Variants in STXBP5L observed in about 807,000 individuals in gnomAD.
STXBP5L encodes the protein syntaxin binding protein 5L.
In STXBP5L, 65 loss-of-function variants were observed where a neutral mutation model predicts 144.5. The observed-to-expected ratio is 0.45, with a 90% CI of 0.37 to 0.55. STXBP5L has a LOEUF of 0.55. Ranked by LOEUF, STXBP5L falls within the 20% of genes least tolerant of loss-of-function variation. STXBP5L has a pLI of 0.00. For missense variants in STXBP5L, 1,298 were observed against 1,405.5 expected, an observed-to-expected ratio of 0.92 and a Z score of 1.22; for synonymous variants, 505 against 469.6, an observed-to-expected ratio of 1.08 and a Z score of -0.97.
intron 3 of STXBP5L, among the ~76,000 whole-genome samples, chr3:120,991,062 A>G (rs1942806365): frequency 1.3e-5 from 2 of 151,982 alleles, no homozygotes; most frequent in South Asian, 4.1e-4. Context: ...AATGGGAGAA[A>G]ATTTTTGCAA....
chr3:121,359,185 T>G (rs114997824), intron 20 of STXBP5L, among the ~76,000 whole-genome samples: 5,430 of 152,292 alleles, frequency 0.036, 145 homozygotes, highest in Middle Eastern at 0.082. Context: ...TAGTTTTGAT[T>G]TGCATTTCTC....
intron 20 of STXBP5L, among the ~76,000 whole-genome samples, chr3:121,359,691 T>G (rs1314724367): frequency 2.0e-5 from 3 of 152,076 alleles, no homozygotes. Context: ...CAGTGCCATT[T>G]ATTGAAGATG....
At chr3:121,352,582 G>A (rs1251205232) in intron 20 of STXBP5L, among the ~76,000 whole-genome samples, 1 of 152,074 alleles carries the variant, frequency 6.6e-6, no homozygotes, top group Non-Finnish European at 1.5e-5. Flanking sequence ...GAGATTTTGG[G>A]CTGAGACAAT....
chr3:121,033,630 G>A lies in STXBP5L; in HGVS notation c.288-8070G>A, dbSNP rs561509253. Among the ~76,000 whole-genome samples the A allele has an allele frequency of 6.0e-5, 9 of 150,208 alleles. No individual in the cohort carries two copies. In the East Asian group the frequency reaches 1.8e-3, roughly 29 times the overall value. Reference sequence around the variant, plus strand: ...TAAATAAATTCGTGTGTTTTTTATGGTATATTTACCCACTTGGTGTTAAAC... The same window carrying A: ...TAAATAAATTCGTGTGTTTTTTATGATATATTTACCCACTTGGTGTTAAAC... On this transcript the variant is annotated intron_variant, in intron 3 of 26. Transcript: ENST00000471454.
chr3:121,006,294 T>A (rs1944295780), intron 3 of STXBP5L, among the ~76,000 whole-genome samples: 1 of 152,208 alleles, frequency 6.6e-6, no homozygotes, highest in South Asian at 2.1e-4. Flanking sequence ...TTGATCCCTT[T>A]ACCATTATGT....
intron 5 of STXBP5L, among the ~76,000 whole-genome samples, chr3:121,050,001 C>T (rs1947838230): frequency 6.6e-6 from 1 of 152,146 alleles, no homozygotes; most frequent in Non-Finnish European, 1.5e-5. Context: ...CTCTCACTCA[C>T]TCACTGTTCC....
chr3:120,962,862 G>T (rs1939032793), intron 3 of STXBP5L, among the ~76,000 whole-genome samples: 1 of 152,140 alleles, frequency 6.6e-6, no homozygotes, highest in Non-Finnish European at 1.5e-5. Context: ...AAATTACCTT[G>T]GGCAGTATAG....
At chr3:121,004,824 A>T (rs1430679482) in intron 3 of STXBP5L, among the ~76,000 whole-genome samples, 3 of 152,192 alleles carry the variant, frequency 2.0e-5, no homozygotes, top group African/African-American at 7.2e-5. Context: ...GGGTTTTGTC[A>T]TTGGTTTTAT....
chr3:120,998,012 G>A (rs769700195), intron 3 of STXBP5L, among the ~76,000 whole-genome samples: 3 of 152,244 alleles, frequency 2.0e-5, no homozygotes, highest in Non-Finnish European at 2.9e-5. Flanking sequence ...TGCAGATAAA[G>A]CTTTCTATAC....
chr3:121,419,870 C>G lies in STXBP5L; in HGVS notation c.*773C>G, dbSNP rs1351123151. 1.3e-5 allele frequency: 2 copies of G among 152,176 alleles called. No homozygotes were observed. The highest frequency in any genetic ancestry group is 6.6e-5 in the Admixed American group (1 of 15,264). 9.4% of individuals were successfully genotyped at this position (152,176 alleles called of 1,614,324 possible). A position where few individuals can be genotyped will look rare whatever the true frequency, so the allele number is the denominator to read the frequency against. ...GCACAAACCATGCAGGGTTGGGTCA[C>G]CTCAAAGCATTTTCTTCAGCCTGGC... On this transcript the variant is annotated 3_prime_UTR_variant, in exon 27 of 27. Transcript: ENST00000471454.
At chr3:121,344,688 T>C (rs1042330101) in intron 20 of STXBP5L, among the ~76,000 whole-genome samples, 2 of 151,966 alleles carry the variant, frequency 1.3e-5, no homozygotes, top group African/African-American at 2.4e-5. Context: ...AAGTACCCAA[T>C]AAAAGAGTTA....
intron 20 of STXBP5L, among the ~76,000 whole-genome samples, chr3:121,359,227 A>T (rs2045626403): frequency 6.6e-6 from 1 of 152,150 alleles, no homozygotes; most frequent in Non-Finnish European, 1.5e-5. Flanking sequence ...ACCTTTTCAT[A>T]AGCCTGTTTT....
rs528356620 is a variant in STXBP5L at position 121,188,247 on chromosome 3, C to T, written c.878-17676C>T. On this transcript the variant is annotated intron_variant, in intron 9 of 26. Transcript: ENST00000471454. ...ATAGAATATACATTCTTCTCAGCAC[C>T]GCATCACACTTACTCCCATATTGAC... Among the ~76,000 whole-genome samples, 119 of 152,278 alleles carry T rather than the reference C, an allele frequency of 7.8e-4. 2 individuals carry two copies. In the South Asian group the frequency reaches 0.023, roughly 30 times the overall value.
intron 20 of STXBP5L, among the ~76,000 whole-genome samples, chr3:121,350,466 T>C (rs1344734370): frequency 6.6e-6 from 1 of 152,114 alleles, no homozygotes; most frequent in Non-Finnish European, 1.5e-5. Context: ...GGAGTATCTT[T>C]GTGGTGTTCT....
rs1162610963 is a variant in STXBP5L, at chr3:121,193,263, C to T, written c.878-12660C>T. Among the ~76,000 whole-genome samples the T allele has an allele frequency of 4.2e-5, 6 of 143,040 alleles. 2 individuals are homozygous for T. Among genetic ancestry groups the T allele is most frequent in the Admixed American group, 1.4e-4 (2 of 14,562 alleles). The allele number at this position is 143,040 out of a possible 152,430, so 93.8% of individuals were successfully genotyped here. A position where few individuals can be genotyped will look rare whatever the true frequency, so the allele number is the denominator to read the frequency against. On this transcript the variant is annotated intron_variant, in intron 9 of 26. Coordinates refer to ENST00000471454, the MANE Select transcript of STXBP5L (RefSeq NM_001308330.2). ...CCGTCAGAGAAATGCAAATCAAAACCACAGTGAGATATCGTCTCACACCAG... is the reference window on the plus strand; with the variant it reads ...CCGTCAGAGAAATGCAAATCAAAACTACAGTGAGATATCGTCTCACACCAG...
At chr3:121,356,205 A>G (rs1488673587) in intron 20 of STXBP5L, among the ~76,000 whole-genome samples, 1 of 152,246 alleles carries the variant, frequency 6.6e-6, no homozygotes, top group Non-Finnish European at 1.5e-5. Flanking sequence ...CCGTGCTGGG[A>G]GAAACACTGC....
intron 20 of STXBP5L, among the ~76,000 whole-genome samples, chr3:121,334,762 C>T (rs1365734163): frequency 6.6e-6 from 1 of 151,698 alleles, no homozygotes; most frequent in East Asian, 1.9e-4. Flanking sequence ...AGTTCAACAT[C>T]CTTTCATGTT....
chr3:121,167,096 A>G (rs920357048), intron 9 of STXBP5L, among the ~76,000 whole-genome samples: 1 of 152,156 alleles, frequency 6.6e-6, no homozygotes, highest in African/African-American at 2.4e-5. Flanking sequence ...TCCAAGTGGT[A>G]AAGAGAAACA....
chr3:121,189,395 T>C (rs916356744), intron 9 of STXBP5L, among the ~76,000 whole-genome samples: 2 of 152,244 alleles, frequency 1.3e-5, no homozygotes, highest in African/African-American at 4.8e-5. Context: ...AATTAATTTT[T>C]GTATAAAGTG....
Sources: gnomAD v4.1 joint callset for allele counts (sites outside exome capture counted in the v4.1 genomes callset) on GRCh38, gnomAD v4.1.1 for gene constraint, MANE v1.5 for transcripts, NCBI Gene and HGNC (gene_info 2026-07-23, HGNC 2026-07-21) for gene names.